Variants in LARP1 observed in about 807,000 individuals in gnomAD.
LARP1 encodes the protein la-related protein 1.
LARP1 carries 36 observed loss-of-function variants against 122.7 expected under a neutral mutation model. The ratio of observed to expected loss-of-function variants is 0.29; its 90% CI spans 0.22 to 0.39. The LOEUF (loss-of-function observed/expected upper bound fraction) is 0.39. Ranked by LOEUF, LARP1 falls within the 10% of genes least tolerant of loss-of-function variation. The pLI, the probability that LARP1 is intolerant of heterozygous loss-of-function variation, is 1.00. For synonymous variants in LARP1, 539 were observed against 528.7 expected (o/e 1.02, Z -0.27); for missense variants, 1,040 against 1,403.6 (o/e 0.74, Z 4.14).
intron 1 of LARP1, among the ~76,000 whole-genome samples, chr5:154,698,759 G>T (rs996409443): frequency 3.3e-5 from 5 of 152,110 alleles, no homozygotes; most frequent in African/African-American, 1.2e-4. Flanking sequence ...ATTCACCAAT[G>T]AATCTGCCAA....
At chr5:154,796,833 C>A (rs546945147) in intron 8 of LARP1, among the ~76,000 whole-genome samples, 14 of 152,280 alleles carry the variant, frequency 9.2e-5, no homozygotes, top group African/African-American at 2.9e-4. Flanking sequence ...TGATCTTCCT[C>A]CCTTTGTTAG....
chr5:154,728,651 G>T (rs1198340162), intron 1 of LARP1, among the ~76,000 whole-genome samples: 2 of 152,168 alleles, frequency 1.3e-5, no homozygotes. Flanking sequence ...AAAGCACACA[G>T]TACTTTGAAT....
At chr5:154,756,948 C>T (rs1291121742) in intron 1 of LARP1, among the ~76,000 whole-genome samples, 2 of 148,044 alleles carry the variant, frequency 1.4e-5, no homozygotes, top group Non-Finnish European at 3.0e-5. Context: ...ACTTGAGGGG[C>T]GTGTGGCGGC....
At chr5:154,716,891 C>G (rs1044740446) in intron 1 of LARP1, among the ~76,000 whole-genome samples, 1 of 152,080 alleles carries the variant, frequency 6.6e-6, no homozygotes, top group African/African-American at 2.4e-5. Flanking sequence ...AAACTCCGAT[C>G]TCTACAAAAA....
At chr5:154,702,900 A>G (rs1005111279) in intron 1 of LARP1, among the ~76,000 whole-genome samples, 1 of 151,854 alleles carries the variant, frequency 6.6e-6, no homozygotes, top group African/African-American at 2.4e-5. Context: ...TGGGCGGATC[A>G]CGAGGTCAGG....
rs373666217 is a variant in LARP1, at chr5:154,738,326, G to A, written c.205+25196G>A. On this transcript the variant is annotated intron_variant, in intron 1 of 18. Coordinates refer to the LARP1 transcript ENST00000336314. ...CAGAAGAAACAGCAAAGCCAGGTGC[G>A]GTGGCTCATGCCTGTAACTTTGGGA... Among the ~76,000 whole-genome samples the A allele has an allele frequency of 1.2e-4, 18 of 152,264 alleles. No homozygotes were observed. In the East Asian group the frequency reaches 2.3e-3, roughly 20 times the overall value.
chr5:154,689,351 C>CTGAGGCAGGAGAATTGCT (rs1754085307), intron 1 of LARP1, among the ~76,000 whole-genome samples: 1 of 152,128 alleles, frequency 6.6e-6, no homozygotes, highest in East Asian at 1.9e-4. Flanking sequence ...ACTTGGGAGG[C>CTGAGGCAGGAGAATTGCT]TGAGGCAGGA....
intron 1 of LARP1, among the ~76,000 whole-genome samples, chr5:154,772,561 A>G (rs1475189914): frequency 6.6e-6 from 1 of 152,232 alleles, no homozygotes; most frequent in Non-Finnish European, 1.5e-5. Context: ...ATACATATGT[A>G]ACTGTGATAA....
chr5:154,809,699 C>CTTT (rs773095772), intron 16 of LARP1, among the ~76,000 whole-genome samples: 27 of 134,940 alleles, frequency 2.0e-4, no homozygotes, highest in African/African-American at 6.5e-4. Flanking sequence ...TATACTATTT[C>CTTT]TTTTTTTTTT....
chr5:154,698,718 C>G (rs1754586160), intron 1 of LARP1, among the ~76,000 whole-genome samples: 1 of 152,066 alleles, frequency 6.6e-6, no homozygotes, highest in Admixed American at 6.6e-5. Context: ...GTGATTATAT[C>G]TCGGTAAAGC....
Position 154,802,479 on chromosome 5 carries a change from C to A in LARP1, c.2109+80C>A. The A allele has an allele frequency of 6.9e-7, 1 of 1,456,326 alleles. No homozygotes were observed. The highest frequency in any genetic ancestry group is 9.1e-7 in the Non-Finnish European group (1 of 1,096,700). 90.2% of individuals were successfully genotyped at this position (1,456,326 alleles called of 1,614,324 possible). ...AGAAGAGGAAGCCTGATTAGCTGTG[C>A]AATTTTAGGCAGGTCCTTATAATTC... On this transcript the variant is annotated intron_variant, in intron 11 of 18. Coordinates refer to ENST00000518297, the MANE Select transcript of LARP1 (RefSeq NM_033551.3). The surrounding 1 kb of genome is among the most constrained non-coding windows in gnomAD (Gnocchi z 5.1).
rs1452514543 is a variant in LARP1 at position 154,741,808 on chromosome 5, TTTG to T, written c.205+28681_205+28683del. 6.0e-4 allele frequency among the ~76,000 whole-genome samples: 92 copies of T among 152,286 alleles called. 1 individual carries two copies. Among genetic ancestry groups the T allele is most frequent in the African/African-American group, 2.2e-3 (90 of 41,560 alleles). On this transcript the variant is annotated intron_variant, in intron 1 of 18. Coordinates refer to the LARP1 transcript ENST00000336314. ...GCAGTTATGGAGGGTTGTTTGTTTG[TTTG>T]TTTTTAAGAGAGTGGCAGACATACT...
At chr5:154,764,853 C>A (rs1754791310) in intron 1 of LARP1, among the ~76,000 whole-genome samples, 1 of 148,030 alleles carries the variant, frequency 6.8e-6, no homozygotes, top group Non-Finnish European at 1.5e-5. Flanking sequence ...TGCAGTGAGC[C>A]GAGATCATGC....
chr5:154,704,209 A>C (rs537346445), intron 1 of LARP1, among the ~76,000 whole-genome samples: 1 of 152,314 alleles, frequency 6.6e-6, no homozygotes, highest in East Asian at 1.9e-4. Context: ...AAGCACTGAG[A>C]AGGAAAAGTT....
chr5:154,699,288 C>T (rs1443433252), intron 1 of LARP1, among the ~76,000 whole-genome samples: 1 of 152,164 alleles, frequency 6.6e-6, no homozygotes, highest in African/African-American at 2.4e-5. Context: ...GGAAGGAGTG[C>T]TTGTTTAAAA....
chr5:154,691,361 C>T (rs1445031807), intron 1 of LARP1, among the ~76,000 whole-genome samples: 5 of 152,186 alleles, frequency 3.3e-5, no homozygotes, highest in Non-Finnish European at 7.3e-5. Context: ...TGACCTTGGG[C>T]CAGTCGCTTC....
Position 154,737,436 on chromosome 5 carries a change from CTT to C in LARP1, c.205+24328_205+24329del, listed in dbSNP as rs10526758. The stretch of plus-strand genomic sequence containing the variant: ...TAATCTAGAAGCATGGAATTTTTCT[CTT>C]TTTTTTTTTTTTTTTTTTTTTGAGA... On this transcript the variant is annotated intron_variant, in intron 1 of 18. Transcript: ENST00000336314. Among the ~76,000 whole-genome samples, 682 of 95,216 alleles carry C rather than the reference CTT, an allele frequency of 7.2e-3. 1 individual carries two copies. Among genetic ancestry groups the C allele is most frequent in the African/African-American group, 0.028 (623 of 22,498 alleles). 62.5% of individuals were successfully genotyped at this position (95,216 alleles called of 152,430 possible).
intron 1 of LARP1, 94 bp downstream of exon 1, chr5:154,756,287 T>C: frequency 5.0e-6 from 5 of 994,806 alleles, no homozygotes; most frequent in South Asian, 2.5e-5. Context: ...CGGGGTCTGC[T>C]ACCGGTCATG....
intron 10 of LARP1, among the ~76,000 whole-genome samples, chr5:154,801,180 A>G (rs531572050): frequency 2.0e-5 from 3 of 152,362 alleles, no homozygotes; most frequent in South Asian, 2.1e-4. Context: ...TATTCAGTCT[A>G]TCAAAACAAA....
Sources: gnomAD v4.1 joint callset for allele counts (sites outside exome capture counted in the v4.1 genomes callset) on GRCh38, gnomAD v4.1.1 for gene constraint, Gnocchi (gnomAD v3.1) non-coding constraint, MANE v1.5 for transcripts, NCBI Gene and HGNC (gene_info 2026-07-23, HGNC 2026-07-21) for gene names.